RANBP2: variants seen among roughly 807,000 people sequenced by gnomAD.
The protein encoded by RANBP2 is E3 SUMO-protein ligase RanBP2.
A neutral mutation model predicts 303.6 loss-of-function variants in RANBP2; 57 were observed. The observed-to-expected ratio is 0.19, with a 90% CI of 0.15 to 0.23. The LOEUF is 0.23. RANBP2 is among the 10% of genes least tolerant of loss of function. The pLI is 1.00. For synonymous variants in RANBP2, 1,167 were observed against 1,301.5 expected, an observed-to-expected ratio of 0.90 and a Z score of 2.23; for missense variants, 3,138 against 3,780.8, an observed-to-expected ratio of 0.83 and a Z score of 4.46.
chr2:109,238,033 C>T, the RANBP2 span, among the ~76,000 whole-genome samples: 7 of 152,040 alleles, frequency 4.6e-5, no homozygotes, highest in Admixed American at 1.3e-4. Context: ...TGATGAGGCC[C>T]CATCTCTACA....
chr2:109,461,916 A>T, the RANBP2 span, among the ~76,000 whole-genome samples: 1 of 152,156 alleles, frequency 6.6e-6, no homozygotes, highest in African/African-American at 2.4e-5. Context: ...GTCTCTAAAA[A>T]TTCAAAGAGC....
the RANBP2 span, among the ~76,000 whole-genome samples, chr2:109,151,149 A>G: frequency 2.0e-5 from 3 of 152,180 alleles, no homozygotes; most frequent in African/African-American, 7.2e-5. Context: ...CTTATATTTG[A>G]TGGGTTCTTG....
the RANBP2 span, among the ~76,000 whole-genome samples, chr2:109,005,298 A>G: frequency 3.3e-5 from 5 of 152,176 alleles, no homozygotes; most frequent in Non-Finnish European, 5.9e-5. Context: ...CCCTGTCCTA[A>G]GTTTTCTATA....
At chr2:109,067,895 C>G in the RANBP2 span, among the ~76,000 whole-genome samples, 340 of 152,332 alleles carry the variant, frequency 2.2e-3, 2 homozygotes, top group African/African-American at 7.0e-3. Context: ...CCTGGCAATC[C>G]CAGCCCCTTC....
At chr2:109,216,170 A>G in the RANBP2 span, among the ~76,000 whole-genome samples, 4 of 152,104 alleles carry the variant, frequency 2.6e-5, no homozygotes, top group Non-Finnish European at 5.9e-5. Flanking sequence ...GTCGGGAGAG[A>G]GAGTGAACTG....
chr2:109,592,241 A>T, the RANBP2 span, among the ~76,000 whole-genome samples: 2 of 147,964 alleles, frequency 1.4e-5, no homozygotes, highest in African/African-American at 5.0e-5. Context: ...GAGGGAGGCA[A>T]ATCACTTGAG....
At chr2:109,021,678 G>C in the RANBP2 span, among the ~76,000 whole-genome samples, 9 of 152,126 alleles carry the variant, frequency 5.9e-5, no homozygotes, top group South Asian at 1.9e-3. Flanking sequence ...AAAGAGAGCA[G>C]AGGAAAGGAC....
the RANBP2 span, chr2:108,876,448 G>T: frequency 7.5e-6 from 3 of 400,702 alleles, no homozygotes; most frequent in Non-Finnish European, 1.3e-5. Context: ...TTCAGGTAAG[G>T]TAATACTAAT....
the RANBP2 span, among the ~76,000 whole-genome samples, chr2:108,842,249 G>A: frequency 1.3e-5 from 2 of 151,468 alleles, no homozygotes; most frequent in Non-Finnish European, 2.9e-5. Flanking sequence ...TTGTTGCCCA[G>A]GCTGGTCTCT....
At chr2:109,054,207 C>T in the RANBP2 span, among the ~76,000 whole-genome samples, 3 of 152,148 alleles carry the variant, frequency 2.0e-5, no homozygotes, top group Non-Finnish European at 2.9e-5. Context: ...GTTAACAGAC[C>T]TCCCTGGAGC....
chr2:109,361,657 G>C, the RANBP2 span, among the ~76,000 whole-genome samples: 1 of 152,116 alleles, frequency 6.6e-6, no homozygotes, highest in Non-Finnish European at 1.5e-5. Context: ...TGTATTTTTA[G>C]TAGAGATGGG....
At chr2:108,749,589 C>T (rs1436056974) in intron 9 of RANBP2, among the ~76,000 whole-genome samples, 32 of 151,966 alleles carry the variant, frequency 2.1e-4, no homozygotes, top group African/African-American at 4.8e-4. Flanking sequence ...TGAGCCACTG[C>T]GACCAGCCTT....
chr2:109,280,098 T>C, the RANBP2 span, among the ~76,000 whole-genome samples: 3 of 152,132 alleles, frequency 2.0e-5, no homozygotes, highest in Non-Finnish European at 4.4e-5. Flanking sequence ...CAGAGTTCTT[T>C]TTTTCTGCAT....
At chr2:109,208,057 G>T in the RANBP2 span, among the ~76,000 whole-genome samples, 1 of 152,160 alleles carries the variant, frequency 6.6e-6, no homozygotes, top group East Asian at 1.9e-4. Flanking sequence ...CAACAATTCT[G>T]CAAATATTTA....
chr2:109,008,104 G>A, the RANBP2 span, among the ~76,000 whole-genome samples: 1 of 151,860 alleles, frequency 6.6e-6, no homozygotes, highest in Non-Finnish European at 1.5e-5. Context: ...ACTGACACAC[G>A]AAGAGTTGAG....
At chr2:109,413,794 C>G in the RANBP2 span, among the ~76,000 whole-genome samples, 2 of 152,206 alleles carry the variant, frequency 1.3e-5, no homozygotes, top group Non-Finnish European at 2.9e-5. Context: ...GGGACAGAAA[C>G]CAGGGGACTG....
the RANBP2 span, among the ~76,000 whole-genome samples, chr2:108,894,298 T>A: frequency 6.6e-6 from 1 of 152,122 alleles, no homozygotes; most frequent in African/African-American, 2.4e-5. Flanking sequence ...TTCTGCCTAG[T>A]GAATGTCCCA....
At position 108,763,210 on chromosome 2, in the gene RANBP2, A is replaced by G. The variant is rs754533355; in HGVS notation, c.2698-27A>G. 5.6e-6 allele frequency: 9 copies of G among 1,611,586 alleles called. No individual in the cohort carries two copies. In the East Asian group the frequency reaches 1.3e-4, roughly 24 times the overall value. ...ATCTGTAGTTTTGTAGACAATCTAC[A>G]AAATGTTTTAACTTTCTGTCTTTTA... On this transcript the variant is annotated intron_variant, in intron 19 of 28. Transcript: ENST00000283195.
At chr2:109,352,659 G>T in the RANBP2 span, among the ~76,000 whole-genome samples, 4 of 152,174 alleles carry the variant, frequency 2.6e-5, no homozygotes, top group Admixed American at 2.6e-4. Context: ...GAAGTTACCC[G>T]AGAAACTCAG....
Sources: allele counts gnomAD v4.1 joint callset (sites outside exome capture counted in the v4.1 genomes callset), GRCh38; gene constraint gnomAD v4.1.1; transcripts MANE v1.5; gene names NCBI Gene and HGNC (gene_info 2026-07-23, HGNC 2026-07-21).